The following FAM53A variants were observed in gnomAD, a reference collection of about 807,000 sequenced individuals.
FAM53A encodes family with sequence similarity 53 member A.
In FAM53A, 28 loss-of-function variants were observed where a neutral mutation model predicts 26.6. That is an observed-to-expected ratio of 1.05 (90% confidence interval 0.78 to 1.45). The LOEUF (loss-of-function observed/expected upper bound fraction) is 1.45. Ranked by LOEUF, FAM53A falls within the 40% of genes most tolerant of loss-of-function variation. The pLI is 0.00. For missense variants in FAM53A, 650 were observed against 575.8 expected (o/e 1.13, Z -1.32); for synonymous variants, 290 against 253.1 (o/e 1.15, Z -1.38).
intron 4 of FAM53A, among the ~76,000 whole-genome samples, chr4:1,647,774 GGTGA>G (rs1277895464): frequency 6.6e-6 from 1 of 152,220 alleles, no homozygotes; most frequent in African/African-American, 2.4e-5. Flanking sequence ...TAAGCGTGGG[GGTGA>G]GTGTGCATGG....
the FAM53A span, among the ~76,000 whole-genome samples, chr4:1,579,553 C>T: frequency 6.6e-6 from 1 of 152,190 alleles, no homozygotes; most frequent in African/African-American, 2.4e-5. Context: ...CAGCCGGTGA[C>T]GCAGCCTCTG....
At chr4:1,684,580 C>T (rs909581128), upstream of FAM53A, among the ~76,000 whole-genome samples, 2 of 151,690 alleles carry the variant, frequency 1.3e-5, no homozygotes, top group Non-Finnish European at 2.9e-5. Context: ...CACTCGGCGG[C>T]GTCCTCCAGG....
the FAM53A span, among the ~76,000 whole-genome samples, chr4:1,584,386 A>G: frequency 6.6e-6 from 1 of 152,300 alleles, no homozygotes; most frequent in African/African-American, 2.4e-5. Flanking sequence ...CCTGCCTTCC[A>G]TTTTCCATAA....
chr4:1,668,915 A>C lies in FAM53A; in HGVS notation c.-164-10T>G. 3.5e-6 allele frequency: 2 copies of C among 571,760 alleles called. No homozygotes were observed. Among genetic ancestry groups the C allele is most frequent in the East Asian group, 6.0e-5 (2 of 33,280 alleles). 35.4% of individuals were successfully genotyped at this position (571,760 alleles called of 1,614,324 possible). A position where few individuals can be genotyped will look rare whatever the true frequency, so the allele number is the denominator to read the frequency against. The stretch of plus-strand genomic sequence containing the variant: ...TCTTCAGGATTTGTGCCTGTTTCTC[A>C]GAAGAGAGAAATCATCATGTGATTA... On this transcript the variant is annotated splice_polypyrimidine_tract_variant and intron_variant, in intron 1 of 4. Coordinates refer to ENST00000308132, the MANE Select transcript of FAM53A (RefSeq NM_001174070.3).
chr4:1,672,102 G>A (rs536778623), intron 1 of FAM53A, among the ~76,000 whole-genome samples: 2 of 150,866 alleles, frequency 1.3e-5, no homozygotes, highest in Admixed American at 6.6e-5. Context: ...ACGAACCCAG[G>A]AACCCACAGA....
At chr4:1,599,003 G>C in the FAM53A span, among the ~76,000 whole-genome samples, 1 of 152,266 alleles carries the variant, frequency 6.6e-6, no homozygotes, top group Non-Finnish European at 1.5e-5. The surrounding 1 kb of genome is among the most constrained non-coding windows in gnomAD (Gnocchi z 6.1). Context: ...GGTGCGTGCG[G>C]GTGCAGCACC....
At chr4:1,615,944 C>T (rs896683397), downstream of FAM53A, among the ~76,000 whole-genome samples, 3 of 152,144 alleles carry the variant, frequency 2.0e-5, no homozygotes, top group Non-Finnish European at 2.9e-5. Context: ...CAGAGACATC[C>T]GTTTGGCTGT....
intron 4 of FAM53A, among the ~76,000 whole-genome samples, chr4:1,646,773 G>T (rs904506223): frequency 1.3e-5 from 2 of 152,180 alleles, no homozygotes; most frequent in African/African-American, 4.8e-5. Context: ...CCTGTCTGAA[G>T]AACTCCTCAG....
intron 4 of FAM53A, among the ~76,000 whole-genome samples, chr4:1,646,101 A>T (rs1712215521): frequency 6.7e-6 from 1 of 150,166 alleles, no homozygotes; most frequent in Non-Finnish European, 1.5e-5. Context: ...CAGCCTCCAG[A>T]ACTCTTTTTT....
chr4:1,637,576 A>T (rs113217616), downstream of FAM53A, among the ~76,000 whole-genome samples: 616 of 152,090 alleles, frequency 4.1e-3, 3 homozygotes, highest in Non-Finnish European at 6.1e-3. Context: ...CTCCACAGGG[A>T]CAGGAGCCCT....
intron 4 of FAM53A, among the ~76,000 whole-genome samples, chr4:1,643,504 T>C (rs1238581759): frequency 6.6e-6 from 1 of 151,892 alleles, no homozygotes; most frequent in Non-Finnish European, 1.5e-5. Context: ...AATTGACATA[T>C]TTTCTGTCTT....
At chr4:1,651,500 C>G (rs900109050) in intron 4 of FAM53A, among the ~76,000 whole-genome samples, 5 of 149,888 alleles carry the variant, frequency 3.3e-5, no homozygotes, top group African/African-American at 1.2e-4. Context: ...CCACTGCATT[C>G]CAGCCTGGGC....
chr4:1,674,454 G>A (rs979259659), intron 1 of FAM53A, among the ~76,000 whole-genome samples: 1 of 152,174 alleles, frequency 6.6e-6, no homozygotes, highest in African/African-American at 2.4e-5. Context: ...CAAATCACAA[G>A]GTCAGGAAAT....
At chr4:1,676,652 C>T (rs1184857973) in intron 1 of FAM53A, among the ~76,000 whole-genome samples, 1 of 152,196 alleles carries the variant, frequency 6.6e-6, no homozygotes, top group Non-Finnish European at 1.5e-5. Flanking sequence ...TGGGTACTTA[C>T]TACACCCATG....
chr4:1,592,234 C>A, the FAM53A span, among the ~76,000 whole-genome samples: 593 of 152,232 alleles, frequency 3.9e-3, 4 homozygotes, highest in South Asian at 9.5e-3. Flanking sequence ...GTAATAATCT[C>A]GTGAAGGTTT....
chr4:1,610,651 G>T, the FAM53A span, among the ~76,000 whole-genome samples: 58 of 152,066 alleles, frequency 3.8e-4, no homozygotes, highest in Middle Eastern at 0.01. Context: ...TCCGCGACGT[G>T]GGGGGCGGCC....
chr4:1,613,000 C>T (rs185083340), downstream of FAM53A, among the ~76,000 whole-genome samples: 2 of 152,330 alleles, frequency 1.3e-5, no homozygotes, highest in East Asian at 3.9e-4. Context: ...GACACCTGCG[C>T]ACACACTGGC....
intron 1 of FAM53A, among the ~76,000 whole-genome samples, chr4:1,625,384 G>A (rs1224958837): frequency 3.7e-4 from 16 of 43,024 alleles, no homozygotes; most frequent in African/African-American, 9.3e-4. Context: ...TCAGGGTCAC[G>A]CCAGGTGATC....
rs55889674 is a variant in FAM53A at position 1,642,422 on chromosome 4, C to G, written c.883-815G>C. ...CCCTCCGGAGGTGCCGCCACCACCC[C>G]CTTCTCACTCTGCCCCCCGGCTATA... On this transcript the variant is annotated intron_variant, in intron 4 of 4. Transcript: ENST00000308132. 1.3e-5 allele frequency among the ~76,000 whole-genome samples: 2 copies of G among 151,952 alleles called. 1 individual carries two copies. Among genetic ancestry groups the G allele is most frequent in the Admixed American group, 1.3e-4 (2 of 15,264 alleles).
Sources: allele counts gnomAD v4.1 joint callset (sites outside exome capture counted in the v4.1 genomes callset), GRCh38; gene constraint gnomAD v4.1.1; non-coding constraint Gnocchi (gnomAD v3.1); transcripts MANE v1.5; gene names NCBI Gene and HGNC (gene_info 2026-07-23, HGNC 2026-07-21).